Variants in GRIP1 observed in about 807,000 individuals in gnomAD.
GRIP1 encodes the protein glutamate receptor interacting protein 1.
A neutral mutation model predicts 129.9 loss-of-function variants in GRIP1; 45 were observed. That is an observed-to-expected ratio of 0.35 (90% CI 0.27 to 0.44). The LOEUF (loss-of-function observed/expected upper bound fraction) is 0.44. Ranked by LOEUF, GRIP1 falls within the 20% of genes least tolerant of loss-of-function variation. The pLI, the probability that GRIP1 is intolerant of heterozygous loss-of-function variation, is 1.00. For synonymous variants in GRIP1, 530 were observed against 520.8 expected (o/e 1.02, Z -0.24); for missense variants, 1,196 against 1,396.8 (o/e 0.86, Z 2.29).
rs544344411 is a variant in GRIP1 at position 66,644,029 on chromosome 12, C to T, written c.55+34821G>A. Among the ~76,000 whole-genome samples, 357 of 151,926 alleles carry T rather than the reference C, an allele frequency of 2.3e-3. 2 individuals carry two copies. The highest frequency in any genetic ancestry group is 8.0e-3 in the African/African-American group (333 of 41,440). On this transcript the variant is annotated intron_variant, in intron 1 of 24. Transcript: ENST00000359742. ...GAGGCCTTAGAATCATGGTGGGAGG[C>T]GAAAGGTACTTCTTACACGGCAGCG...
intron 2 of GRIP1, among the ~76,000 whole-genome samples, chr12:66,565,473 A>G (rs1169800223): frequency 7.2e-5 from 11 of 152,168 alleles, no homozygotes; most frequent in East Asian, 1.9e-4. Context: ...GTTCTGTTCC[A>G]TTGGTCTATA....
chr12:66,789,162 C>G (rs1301332615), intron 1 of GRIP1, among the ~76,000 whole-genome samples: 1 of 152,096 alleles, frequency 6.6e-6, no homozygotes, highest in Non-Finnish European at 1.5e-5. Context: ...CAAAAAGGCT[C>G]ACACTTGAAA....
rs188350539 is a variant in GRIP1 at position 66,441,216 on chromosome 12, T to A, written c.1687+3368A>T. On this transcript the variant is annotated intron_variant, in intron 13 of 24. Transcript: ENST00000359742. ...TGAATTCTCCATAGTATATTTAAGCTATCAATAGTGACTTTTGTCTTGAAA... is the reference window on the plus strand; with the variant it reads ...TGAATTCTCCATAGTATATTTAAGCAATCAATAGTGACTTTTGTCTTGAAA... Among the ~76,000 whole-genome samples the A allele has an allele frequency of 6.6e-5, 10 of 152,374 alleles. No individual in the cohort carries two copies. In the East Asian group the frequency reaches 1.9e-3, roughly 29 times the overall value.
intron 2 of GRIP1, among the ~76,000 whole-genome samples, chr12:66,573,293 C>T (rs965536049): frequency 1.5e-4 from 23 of 151,932 alleles, no homozygotes; most frequent in Admixed American, 5.9e-4. Flanking sequence ...AAGACTCAGT[C>T]GAGACTGCTA....
At chr12:66,866,428 G>A (rs373348265) in intron 1 of GRIP1, among the ~76,000 whole-genome samples, 7 of 152,240 alleles carry the variant, frequency 4.6e-5, no homozygotes, top group South Asian at 4.1e-4. Context: ...AGCTATGATC[G>A]CACCACTGCA....
chr12:66,722,487 T>C (rs766093580), intron 1 of GRIP1, among the ~76,000 whole-genome samples: 20 of 152,028 alleles, frequency 1.3e-4, no homozygotes, highest in Non-Finnish European at 2.4e-4. Flanking sequence ...AGATCAAAGA[T>C]CACTAACCAC....
intron 1 of GRIP1, among the ~76,000 whole-genome samples, chr12:67,015,282 G>A (rs746039303): frequency 6.6e-6 from 1 of 152,122 alleles, no homozygotes; most frequent in Non-Finnish European, 1.5e-5. Flanking sequence ...TTGAGAAATT[G>A]CAATCTTTGC....
chr12:66,386,565 C>T (rs996157601), intron 19 of GRIP1, among the ~76,000 whole-genome samples: 2 of 151,980 alleles, frequency 1.3e-5, no homozygotes, highest in South Asian at 2.1e-4. Flanking sequence ...ACCCGGGAGG[C>T]GGAGCTTACA....
At chr12:66,978,676 C>CA (rs1270530590) in intron 1 of GRIP1, among the ~76,000 whole-genome samples, 1 of 151,496 alleles carries the variant, frequency 6.6e-6, no homozygotes, top group East Asian at 1.9e-4. Flanking sequence ...AGATTTCAGC[C>CA]AAAAAAAGAA....
At chr12:66,745,655 A>G (rs578164224) in intron 1 of GRIP1, among the ~76,000 whole-genome samples, 1 of 152,358 alleles carries the variant, frequency 6.6e-6, no homozygotes, top group East Asian at 1.9e-4. Flanking sequence ...GTAAACTTAG[A>G]GGAATATCAT....
intron 19 of GRIP1, among the ~76,000 whole-genome samples, chr12:66,385,124 A>T (rs189071582): frequency 2.6e-5 from 4 of 152,274 alleles, no homozygotes; most frequent in Admixed American, 1.3e-4. Context: ...TTGTTGTTGA[A>T]TGATGGTGTA....
At chr12:66,602,878 A>C (rs1184096888) in intron 1 of GRIP1, among the ~76,000 whole-genome samples, 1 of 24,026 alleles carries the variant, frequency 4.2e-5, no homozygotes, top group Non-Finnish European at 9.5e-5. Context: ...TTTTTTTTTG[A>C]GATAGGGTCT....
At chr12:66,598,391 A>G (rs553956830) in intron 1 of GRIP1, among the ~76,000 whole-genome samples, 1 of 152,344 alleles carries the variant, frequency 6.6e-6, no homozygotes, top group East Asian at 1.9e-4. Flanking sequence ...ATATTCTTCC[A>G]ACCATAAAGA....
chr12:66,931,927 CCAAA>C (rs1247572547), intron 1 of GRIP1, among the ~76,000 whole-genome samples: 1 of 152,058 alleles, frequency 6.6e-6, no homozygotes, highest in Non-Finnish European at 1.5e-5. Flanking sequence ...CTTCTTACAA[CCAAA>C]CAAACATTTG....
At chr12:67,065,868 T>C (rs7966884) in intron 1 of GRIP1, among the ~76,000 whole-genome samples, 16,986 of 144,424 alleles carry the variant, frequency 0.12, 1,018 homozygotes, top group African/African-American at 0.16. Context: ...CATTACTTAA[T>C]TTAATTTGAT....
chr12:66,533,887 ACTCTCT>A (rs71436010), intron 4 of GRIP1, among the ~76,000 whole-genome samples: 6 of 147,938 alleles, frequency 4.1e-5, no homozygotes, highest in East Asian at 2.0e-4. Flanking sequence ...ACATACACAC[ACTCTCT>A]CTCTCTCTCT....
At chr12:67,028,763 T>C (rs866496865) in intron 1 of GRIP1, among the ~76,000 whole-genome samples, 1 of 152,216 alleles carries the variant, frequency 6.6e-6, no homozygotes, top group Non-Finnish European at 1.5e-5. Context: ...AACTGTATAC[T>C]ACAGTCCTAG....
intron 7 of GRIP1, among the ~76,000 whole-genome samples, chr12:66,485,076 G>A (rs1026270954): frequency 3.9e-5 from 6 of 152,290 alleles, no homozygotes; most frequent in African/African-American, 1.2e-4. Context: ...CAGGGTATGC[G>A]TATGCTCAGC....
intron 13 of GRIP1, among the ~76,000 whole-genome samples, chr12:66,437,922 C>A (rs1348449822): frequency 1.3e-5 from 2 of 152,120 alleles, no homozygotes; most frequent in Non-Finnish European, 2.9e-5. Context: ...GTCAACCGAC[C>A]TAGGTCTACG....
Sources: gnomAD v4.1 joint callset for allele counts (sites outside exome capture counted in the v4.1 genomes callset) on GRCh38, gnomAD v4.1.1 for gene constraint, MANE v1.5 for transcripts, NCBI Gene and HGNC (gene_info 2026-07-23, HGNC 2026-07-21) for gene names.